Variants in ANK3 observed in about 807,000 individuals in gnomAD.
ANK3 encodes the protein ankyrin 3, also known as ankyrin-3.
In ANK3, 57 loss-of-function variants were observed where a neutral mutation model predicts 370.9. The ratio of observed to expected loss-of-function variants is 0.15; its 90% confidence interval spans 0.12 to 0.19. The LOEUF is 0.19. ANK3 is among the 10% of genes least tolerant of loss of function. The pLI is 1.00. For missense variants in ANK3, 4,439 were observed against 5,302.1 expected (o/e 0.84, Z 5.06); for synonymous variants, 1,929 against 1,946.3 (o/e 0.99, Z 0.23).
chr10:60,264,858 C>T (rs933134799), intron 5 of ANK3, among the ~76,000 whole-genome samples: 1 of 152,064 alleles, frequency 6.6e-6, no homozygotes, highest in African/African-American at 2.4e-5. Flanking sequence ...TCTATAGAGG[C>T]TAAGGTCTCT....
At chr10:60,389,402 T>C in intron 1 of ANK3, 23 bp downstream of exon 1, 3 of 1,607,086 alleles carry the variant, frequency 1.9e-6, no homozygotes, top group Non-Finnish European at 2.6e-6. Flanking sequence ...AGGCAAGATA[T>C]ATGCTCTGGC....
In ANK3 at chr10:60,228,532, C is replaced by CAAA. The variant is rs72450397; in HGVS notation, c.897+6153_897+6155dup. ...GGGCAACAGAGTGAGACTGTGTCTC[C>CAAA]AAAAAAAAAAAAAAAAAAGATTTCA... On this transcript the variant is annotated intron_variant, in intron 8 of 43. Transcript: ENST00000280772. 6.2e-4 allele frequency among the ~76,000 whole-genome samples: 59 copies of CAAA among 94,866 alleles called. 1 individual carries two copies. The highest frequency in any genetic ancestry group is 0.013 in the Middle Eastern group (2 of 152). 62.2% of individuals were successfully genotyped at this position (94,866 alleles called of 152,430 possible). A position where few individuals can be genotyped will look rare whatever the true frequency, so the allele number is the denominator to read the frequency against.
At chr10:60,139,248 G>A (rs1309724825) in intron 23 of ANK3, 161 bp from the exon 24 acceptor site, 3 of 802,030 alleles carry the variant, frequency 3.7e-6, no homozygotes, top group Non-Finnish European at 5.9e-6. Context: ...AGAAGGAAAA[G>A]GTATAGGTAA....
At chr10:60,392,880 G>T (rs1291237699), upstream of ANK3, among the ~76,000 whole-genome samples, 4 of 151,762 alleles carry the variant, frequency 2.6e-5, 1 homozygote, top group Non-Finnish European at 5.9e-5. Context: ...AGTGAGCTGA[G>T]ATCACACCAC....
chr10:60,331,833 G>C (rs927345226), intron 1 of ANK3, among the ~76,000 whole-genome samples: 1 of 152,186 alleles, frequency 6.6e-6, no homozygotes, highest in Admixed American at 6.5e-5. Context: ...CAACCAATTA[G>C]AACTGAAGAC....
intron 2 of ANK3, among the ~76,000 whole-genome samples, chr10:60,402,240 T>C (rs2063366118): frequency 1.3e-5 from 2 of 152,116 alleles, no homozygotes; most frequent in Non-Finnish European, 2.9e-5. Flanking sequence ...ACTATACTGG[T>C]TTGGGGTTGT....
chr10:60,718,147 G>C (rs1019474077), intron 1 of ANK3, among the ~76,000 whole-genome samples: 1 of 152,140 alleles, frequency 6.6e-6, no homozygotes, highest in Non-Finnish European at 1.5e-5. Context: ...TATGCTGTTT[G>C]GTTGTAGTTT....
At chr10:60,216,405 C>A (rs937813249) in intron 8 of ANK3, among the ~76,000 whole-genome samples, 4 of 152,130 alleles carry the variant, frequency 2.6e-5, no homozygotes, top group Non-Finnish European at 5.9e-5. Flanking sequence ...GTGGGTTTGT[C>A]ATAAATAGCT....
At chr10:60,557,296 A>G (rs2077230301) in intron 2 of ANK3, among the ~76,000 whole-genome samples, 1 of 152,236 alleles carries the variant, frequency 6.6e-6, no homozygotes. Flanking sequence ...ATGGAATATT[A>G]TTCAGCTAAA....
intron 1 of ANK3, among the ~76,000 whole-genome samples, chr10:60,312,394 G>C (rs565194113): frequency 6.6e-6 from 1 of 152,190 alleles, no homozygotes; most frequent in Non-Finnish European, 1.5e-5. Context: ...TCTGTTGAAT[G>C]CTAGAAATGT....
chr10:60,728,740 G>T (rs2079978435), intron 1 of ANK3, among the ~76,000 whole-genome samples: 1 of 152,100 alleles, frequency 6.6e-6, no homozygotes, highest in South Asian at 2.1e-4. Flanking sequence ...TTGACTCTTG[G>T]TTTTACTACC....
chr10:60,087,158 C>T (rs1034799221), intron 29 of ANK3, among the ~76,000 whole-genome samples: 14 of 152,020 alleles, frequency 9.2e-5, no homozygotes, highest in Admixed American at 3.3e-4. Flanking sequence ...TCCAGTCTCA[C>T]GGCATAGAAG....
chr10:60,488,250 C>A (rs2075400716), intron 2 of ANK3, among the ~76,000 whole-genome samples: 1 of 152,100 alleles, frequency 6.6e-6, no homozygotes, highest in African/African-American at 2.4e-5. Flanking sequence ...TGAGAAAAAT[C>A]CCTTAGGCCA....
chr10:60,088,895 C>A (rs2087414200), intron 28 of ANK3, among the ~76,000 whole-genome samples: 3 of 152,080 alleles, frequency 2.0e-5, no homozygotes, highest in Admixed American at 2.0e-4. Flanking sequence ...CAAACATTTT[C>A]AAGAACTGAC....
At chr10:60,382,642 T>C (rs1045539018) in intron 1 of ANK3, among the ~76,000 whole-genome samples, 11 of 152,068 alleles carry the variant, frequency 7.2e-5, no homozygotes, top group East Asian at 1.9e-4. Context: ...TTAACTCTTC[T>C]ACTTTCAATT....
chr10:60,181,450 A>G (rs779889690), intron 17 of ANK3, 23 bp from the exon 18 acceptor site: 1 of 1,604,662 alleles, frequency 6.2e-7, no homozygotes, highest in Non-Finnish European at 8.5e-7. Context: ...CAAAGGGCAC[A>G]GTCATCGTAC....
intron 43 of ANK3, among the ~76,000 whole-genome samples, chr10:60,040,854 AC>A: frequency 6.6e-6 from 1 of 152,132 alleles, no homozygotes; most frequent in East Asian, 1.9e-4. Context: ...CAGATGACTG[AC>A]CTCTTTTCTA....
At chr10:60,244,070 G>A (rs2097517475) in intron 7 of ANK3, among the ~76,000 whole-genome samples, 1 of 152,172 alleles carries the variant, frequency 6.6e-6, no homozygotes, top group Non-Finnish European at 1.5e-5. Flanking sequence ...CCTCTGCTGG[G>A]AAATGTGGAA....
At chr10:60,467,984 CTTTT>C (rs56199348) in intron 2 of ANK3, among the ~76,000 whole-genome samples, 4 of 135,272 alleles carry the variant, frequency 3.0e-5, no homozygotes, top group Non-Finnish European at 3.2e-5. Flanking sequence ...CATATAAAAA[CTTTT>C]TTTTTTTTTT....
Sources: allele counts gnomAD v4.1 joint callset (sites outside exome capture counted in the v4.1 genomes callset), GRCh38; gene constraint gnomAD v4.1.1; transcripts MANE v1.5; gene names NCBI Gene and HGNC (gene_info 2026-07-23, HGNC 2026-07-21).